ARHGEF19: variants seen among roughly 807,000 people sequenced by gnomAD.
ARHGEF19 encodes Rho guanine nucleotide exchange factor (GEF) 19.
In ARHGEF19, 92 loss-of-function variants were observed where a neutral mutation model predicts 87.6. That is an observed-to-expected ratio of 1.05 (90% CI 0.89 to 1.25). The LOEUF is 1.25. ARHGEF19 is among the 50% of genes most tolerant of loss of function. The pLI is 0.00. For synonymous variants in ARHGEF19, 438 were observed against 446.2 expected, an observed-to-expected ratio of 0.98 and a Z score of 0.23; for missense variants, 1,054 against 1,051.8, an observed-to-expected ratio of 1.00 and a Z score of -0.03.
Position 16,206,858 on chromosome 1 carries a change from C to T in ARHGEF19, c.1137+90G>A. 1 of 1,356,634 alleles carries T rather than the reference C, an allele frequency of 7.4e-7. No individual in the cohort carries two copies. Among genetic ancestry groups the T allele is most frequent in the Admixed American group, 3.7e-5 (1 of 27,134 alleles). 84.0% of individuals were successfully genotyped at this position (1,356,634 alleles called of 1,614,324 possible). ...CGCCAGCAACCCCCTTTGTGTGTCC[C>T]CCTCCCTCTATGGCCCGGTTCCCGC... On this transcript the variant is annotated intron_variant, in intron 6 of 15. Transcript: ENST00000270747. The surrounding 1 kb of genome is among the most constrained non-coding windows in gnomAD (Gnocchi z 4.6).
chr1:16,207,943 C>T lies in ARHGEF19; in HGVS notation c.694+1G>A, dbSNP rs866499374. ...TCAGGGCCCATGGGAGGAGCTGGTA[C>T]CTTCCCGGGCTGCTCCGGTGCCTGA... On this transcript the variant is annotated splice_donor_variant, in intron 3 of 15. Transcript: ENST00000270747. LOFTEE classifies it high-confidence loss of function. The surrounding 1 kb of genome is among the most constrained non-coding windows in gnomAD (Gnocchi z 4.0). 1 of 1,604,102 alleles carries T rather than the reference C, an allele frequency of 6.2e-7. No homozygotes were observed. Among genetic ancestry groups the T allele is most frequent in the Non-Finnish European group, 8.5e-7 (1 of 1,175,518 alleles).
intron 12 of ARHGEF19, among the ~76,000 whole-genome samples, chr1:16,203,845 T>C (rs564212347): frequency 3.9e-5 from 6 of 152,304 alleles, no homozygotes; most frequent in South Asian, 2.1e-4. Flanking sequence ...TACACCCTTA[T>C]ATCAAAACCC....
rs1205430100 is a variant in ARHGEF19, at chr1:16,207,901, C to G, written c.694+43G>C. 1 of 1,575,248 alleles carries G rather than the reference C, an allele frequency of 6.3e-7. No individual in the cohort carries two copies. The highest frequency in any genetic ancestry group is 1.8e-5 in the Admixed American group (1 of 54,982). ...GGGCATCGCCCACCCCCACCCCCAC[C>G]CGGCATCTGGCTGCCCTCAGGGCCC... is the stretch of plus-strand genomic sequence containing the variant. On this transcript the variant is annotated intron_variant, in intron 3 of 15. Transcript: ENST00000270747. This position sits in a 1 kb window ranked among gnomAD's most constrained non-coding sequence, Gnocchi z 4.0.
rs754582009 is a variant in ARHGEF19 at position 16,206,257 on chromosome 1, C to A, written c.1221G>T (p.Glu407Asp). Residue 407 changes from glutamate (E) to aspartate (D), a missense_variant, in exon 7 of 16, where the codon GAG becomes GAT. Glu to Asp is a conservative substitution (Grantham distance 45, BLOSUM62 2). Transcript: ENST00000270747. The surrounding 1 kb of genome is among the most constrained non-coding windows in gnomAD (Gnocchi z 4.6). ...VAVGHFLGSA[E>D]LSECLGAQDK... ...CCTGCGCCCCCAGACACTCGCTCAGCTCGGCAGAGCCTAAGAAGTGGCCCA... is the reference window on the plus strand; with the variant it reads ...CCTGCGCCCCCAGACACTCGCTCAGATCGGCAGAGCCTAAGAAGTGGCCCA... The A allele has an allele frequency of 1.9e-6, 3 of 1,591,852 alleles. No individual in the cohort carries two copies. The highest frequency in any genetic ancestry group is 2.6e-6 in the Non-Finnish European group (3 of 1,169,464).
chr1:16,206,133 C>A lies in ARHGEF19; in HGVS notation c.1298+47G>T. On this transcript the variant is annotated intron_variant, in intron 7 of 15. Transcript: ENST00000270747. This position sits in a 1 kb window ranked among gnomAD's most constrained non-coding sequence, Gnocchi z 4.6. ...GACCCCAGATCTGGGAGCTGGCCAA[C>A]CACTGGCTCCGTCCCCACCCCGGGC... The A allele has an allele frequency of 1.9e-6, 3 of 1,578,056 alleles. No homozygotes were observed. Among genetic ancestry groups the A allele is most frequent in the Non-Finnish European group, 8.6e-7 (1 of 1,160,444 alleles).
chr1:16,202,797 C>A (rs149777847), intron 12 of ARHGEF19, among the ~76,000 whole-genome samples: 12 of 152,330 alleles, frequency 7.9e-5, no homozygotes, highest in Non-Finnish European at 1.8e-4. Context: ...GTGATGGAGA[C>A]CAGTCCCTGA....
At position 16,209,010 on chromosome 1, in the gene ARHGEF19, C is replaced by T. The variant is rs1157645196; in HGVS notation, c.45G>A (p.Gly15=). The change falls in exon 2 of 16, where the codon GGG becomes GGA. Residue 15 remains glycine, a synonymous_variant. Coordinates refer to ENST00000270747, the MANE Select transcript of ARHGEF19 (RefSeq NM_153213.5). ...PPATLQPHLT[G]PPGTAHHPVA... ...CAGGGTGGTGGGCAGTGCCAGGTGG[C>T]CCAGTCAGGTGGGGCTGGAGGGTAG... The T allele has an allele frequency of 6.6e-7, 1 of 1,505,014 alleles. No homozygotes were observed. Among genetic ancestry groups the T allele is most frequent in the South Asian group, 1.4e-5 (1 of 73,266 alleles). 93.2% of individuals were successfully genotyped at this position (1,505,014 alleles called of 1,614,324 possible). A position where few individuals can be genotyped will look rare whatever the true frequency, so the allele number is the denominator to read the frequency against.
In ARHGEF19 at chr1:16,206,572, C is replaced by A; in HGVS notation, c.1138-232G>T. On this transcript the variant is annotated intron_variant, in intron 6 of 15. Transcript: ENST00000270747. This position sits in a 1 kb window ranked among gnomAD's most constrained non-coding sequence, Gnocchi z 4.6. ...CTCCTAAGCCCCGCCCCGACGCGTT[C>A]TTCCCAGAGCCCCGCCCACCCCCCA... is the stretch of plus-strand genomic sequence containing the variant. 1.9e-6 allele frequency: 1 copy of A among 526,490 alleles called. No homozygotes were observed. The highest frequency in any genetic ancestry group is 3.2e-5 in the East Asian group (1 of 30,998). 32.6% of individuals were successfully genotyped at this position (526,490 alleles called of 1,614,324 possible). A position where few individuals can be genotyped will look rare whatever the true frequency, so the allele number is the denominator to read the frequency against.
chr1:16,210,617 G>C (rs1478323549), intron 1 of ARHGEF19, among the ~76,000 whole-genome samples: 2 of 152,214 alleles, frequency 1.3e-5, no homozygotes, highest in Non-Finnish European at 1.5e-5. Flanking sequence ...AGAAAACCCA[G>C]GGAGACAGAT....
chr1:16,208,286 T>G, intron 2 of ARHGEF19, 61 bp from the exon 3 acceptor site: 1 of 1,550,286 alleles, frequency 6.5e-7, no homozygotes, highest in Non-Finnish European at 8.7e-7. Flanking sequence ...TCCTCCCTGC[T>G]GCTGCCCCTG....
intron 12 of ARHGEF19, among the ~76,000 whole-genome samples, chr1:16,203,830 C>T (rs575254513): frequency 1.3e-5 from 2 of 152,256 alleles, no homozygotes; most frequent in East Asian, 1.9e-4. Context: ...CAGGAAATAC[C>T]GCAGTACACC....
chr1:16,206,972 G>A lies in ARHGEF19; in HGVS notation c.1113C>T (p.Ser371=). Residue 371 remains serine, a synonymous_variant, in exon 6 of 16, where the codon AGC becomes AGT. Coordinates refer to ENST00000270747, the MANE Select transcript of ARHGEF19 (RefSeq NM_153213.5). This position sits in a 1 kb window ranked among gnomAD's most constrained non-coding sequence, Gnocchi z 4.6. Reference sequence around the variant, plus strand: ...CCTCCTGCAGCTTGCAGTCCCGCAGGCTCAGCGTGGCCAGGACGCCGCTGC... The same window carrying A: ...CCTCCTGCAGCTTGCAGTCCCGCAGACTCAGCGTGGCCAGGACGCCGCTGC... ...VRGSGVLATL[S]LRDCKLQEAK... 2 of 1,509,634 alleles carry A rather than the reference G, an allele frequency of 1.3e-6. No individual in the cohort carries two copies. Among genetic ancestry groups the A allele is most frequent in the Non-Finnish European group, 1.8e-6 (2 of 1,134,294 alleles). The allele number at this position is 1,509,634 out of a possible 1,614,324, so 93.5% of individuals were successfully genotyped here.
rs1180778586 is a variant in ARHGEF19, at chr1:16,206,889, C to T, written c.1137+59G>A. ...CTCTATGGCCCGGTTCCCGCTAAGT[C>T]CCCGGACCGCGTACTCCCCGGCCCG... On this transcript the variant is annotated intron_variant, in intron 6 of 15. Transcript: ENST00000270747. This position sits in a 1 kb window ranked among gnomAD's most constrained non-coding sequence, Gnocchi z 4.6. The T allele has an allele frequency of 2.1e-6, 3 of 1,403,038 alleles. No individual in the cohort carries two copies. Among genetic ancestry groups the T allele is most frequent in the Non-Finnish European group, 2.8e-6 (3 of 1,088,698 alleles). The allele number at this position is 1,403,038 out of a possible 1,614,324, so 86.9% of individuals were successfully genotyped here.
In ARHGEF19 at chr1:16,206,338, G is replaced by T; in HGVS notation, c.1140C>A (p.Ala380=). 6.3e-7 allele frequency: 1 copy of T among 1,576,612 alleles called. No individual in the cohort carries two copies. Among genetic ancestry groups the T allele is most frequent in the Admixed American group, 1.9e-5 (1 of 52,632 alleles). The change falls in exon 7 of 16, where the codon GCC becomes GCA. Residue 380 remains alanine (A), a splice_region_variant and synonymous_variant. Coordinates refer to ENST00000270747, the MANE Select transcript of ARHGEF19 (RefSeq NM_153213.5). This position sits in a 1 kb window ranked among gnomAD's most constrained non-coding sequence, Gnocchi z 4.6. ...LSLRDCKLQE[A]KFELITSEAS... is the part of the protein sequence containing the mutation. Reference sequence around the variant, plus strand: ...CCTCGGAGGTGATCAGCTCAAACTTGGCCTGAGGGAGGGCACACACGGGGT... The same window carrying T: ...CCTCGGAGGTGATCAGCTCAAACTTTGCCTGAGGGAGGGCACACACGGGGT...
In ARHGEF19 at chr1:16,198,565, G is replaced by T. The variant is rs2081058790; in HGVS notation, c.*22C>A. ...ATCCAGGAGCCAGGCATGGAGGTGG[G>T]GTCCTAGGCCATGGCTGCCCATCAC... is the stretch of plus-strand genomic sequence containing the variant. On this transcript the variant is annotated 3_prime_UTR_variant, in exon 16 of 16. Transcript: ENST00000270747. This position sits in a 1 kb window ranked among gnomAD's most constrained non-coding sequence, Gnocchi z 4.1. The T allele has an allele frequency of 1.3e-6, 2 of 1,581,834 alleles. No individual in the cohort carries two copies. Among genetic ancestry groups the T allele is most frequent in the Admixed American group, 1.7e-5 (1 of 57,290 alleles).
chr1:16,208,858 G>A lies in ARHGEF19; in HGVS notation c.197C>T (p.Ser66Phe). The change falls in exon 2 of 16, where the codon TCC (serine) becomes TTC (phenylalanine). Residue 66 changes from serine to phenylalanine, a missense_variant. Coordinates refer to ENST00000270747, the MANE Select transcript of ARHGEF19 (RefSeq NM_153213.5). ...EELRAPGSRW[S>F]LGTPAPLQGL... ...TTGGAGAGGGGCAGGGGTCCCCAGG[G>A]ACCAGCGGCTGCCAGGAGCCCGAAG... 1.2e-6 allele frequency: 2 copies of A among 1,606,046 alleles called. No individual in the cohort carries two copies. Among genetic ancestry groups the A allele is most frequent in the Non-Finnish European group, 1.7e-6 (2 of 1,177,680 alleles).
chr1:16,201,906 T>G (rs1269223369), intron 13 of ARHGEF19, 45 bp from the exon 14 acceptor site: 1 of 1,599,614 alleles, frequency 6.3e-7, no homozygotes, highest in Admixed American at 1.7e-5. Flanking sequence ...CAAAGTGCAG[T>G]TGCCCAGGGC....
Position 16,207,057 on chromosome 1 carries a change from G to A in ARHGEF19, c.1028C>T (p.Ala343Val). 2.0e-6 allele frequency: 3 copies of A among 1,507,120 alleles called. No individual in the cohort carries two copies. Among genetic ancestry groups the A allele is most frequent in the African/African-American group, 1.5e-5 (1 of 68,574 alleles). The allele number at this position is 1,507,120 out of a possible 1,614,324, so 93.4% of individuals were successfully genotyped here. The part of the protein sequence containing the change: ...ANLSPSSSFR[A>V]QRSARGSTFS... ...GGTGGAGCCTCGCGCCGAGCGCTGCGCCCGGAAGGAGCTGCTGGGGGAGAG... is the reference window on the plus strand; with the variant it reads ...GGTGGAGCCTCGCGCCGAGCGCTGCACCCGGAAGGAGCTGCTGGGGGAGAG... The change falls in exon 6 of 16, where the codon GCG becomes GTG. Residue 343 changes from alanine (A) to valine (V), a missense_variant. Transcript: ENST00000270747. The surrounding 1 kb of genome is among the most constrained non-coding windows in gnomAD (Gnocchi z 4.0).
Position 16,207,030 on chromosome 1 carries a change from A to G in ARHGEF19, c.1055T>C (p.Phe352Ser), listed in dbSNP as rs1418582340. Residue 352 changes from phenylalanine to serine, a missense_variant, in exon 6 of 16, where the codon TTC (phenylalanine) becomes TCC (serine). By Grantham distance (155) the Phe-to-Ser change is radical. Transcript: ENST00000270747. The surrounding 1 kb of genome is among the most constrained non-coding windows in gnomAD (Gnocchi z 4.0). Reference protein sequence around the residue: ...RAQRSARGSTFSLWQDIPDVR... With the variant: ...RAQRSARGSTSSLWQDIPDVR... ...GTCGGGGATATCCTGCCACAGCGAGAAGGTGGAGCCTCGCGCCGAGCGCTG... is the reference window on the plus strand; with the variant it reads ...GTCGGGGATATCCTGCCACAGCGAGGAGGTGGAGCCTCGCGCCGAGCGCTG... The G allele has an allele frequency of 5.3e-6, 8 of 1,515,090 alleles. No individual in the cohort carries two copies. The highest frequency in any genetic ancestry group is 7.1e-6 in the Non-Finnish European group (8 of 1,134,150). The allele number at this position is 1,515,090 out of a possible 1,614,324, so 93.9% of individuals were successfully genotyped here. A position where few individuals can be genotyped will look rare whatever the true frequency, so the allele number is the denominator to read the frequency against.
Sources: allele counts gnomAD v4.1 joint callset (sites outside exome capture counted in the v4.1 genomes callset), GRCh38; gene constraint gnomAD v4.1.1; non-coding constraint Gnocchi (gnomAD v3.1); transcripts MANE v1.5; gene names NCBI Gene and HGNC (gene_info 2026-07-23, HGNC 2026-07-21).